Variants in MFAP5 observed in about 807,000 individuals in gnomAD.
MFAP5 encodes the protein microfibril associated protein 5, also known as microfibrillar-associated protein 5.
A neutral mutation model predicts 30.1 loss-of-function variants in MFAP5; 19 were observed. The observed-to-expected ratio is 0.63, with a 90% CI of 0.44 to 0.93. The LOEUF is 0.93. Ranked by LOEUF, MFAP5 falls within the 40% of genes least tolerant of loss-of-function variation. The probability of loss-of-function intolerance (pLI) is 0.00; values close to 1 mark genes in which losing one functional copy is unlikely to be tolerated. For missense variants in MFAP5, 210 were observed against 221.3 expected (o/e 0.95, Z 0.32); for synonymous variants, 92 against 72.9 (o/e 1.26, Z -1.33).
At position 8,654,438 on chromosome 12, in the gene MFAP5, C is replaced by G. The variant is rs1388476509; in HGVS notation, c.216G>C (p.Leu72Phe). The change falls in exon 6 of 10, where the codon TTG (leucine) becomes TTC (phenylalanine). Residue 72 changes from leucine (L) to phenylalanine (F), a missense_variant and splice_region_variant. Transcript: ENST00000359478. ...LADIAPSTDD[L>F]ASLSEKNTTA... ...TGGGGGTCCCAGATCTGAACTCACC[C>G]AAGTCATCTGTGGAAGGTGCAATAT... 6.2e-7 allele frequency: 1 copy of G among 1,600,418 alleles called. No individual in the cohort carries two copies. Among genetic ancestry groups the G allele is most frequent in the Non-Finnish European group, 8.5e-7 (1 of 1,173,476 alleles).
intron 3 of MFAP5, among the ~76,000 whole-genome samples, chr12:8,656,305 C>A (rs769258017): frequency 1.3e-5 from 2 of 151,964 alleles, no homozygotes; most frequent in East Asian, 3.9e-4. Flanking sequence ...CCCTCGGCCT[C>A]CCAAAGTGCT....
chr12:8,650,597 A>G lies in MFAP5; in HGVS notation c.248-8T>C. The G allele has an allele frequency of 1.2e-6, 2 of 1,610,198 alleles. No individual in the cohort carries two copies. The highest frequency in any genetic ancestry group is 1.7e-6 in the Non-Finnish European group (2 of 1,178,870). On this transcript the variant is annotated splice_region_variant and splice_polypyrimidine_tract_variant and intron_variant, in intron 7 of 9. Transcript: ENST00000359478. Reference sequence around the variant, plus strand: ...ATTTCTCATCCCAGCACTCTGAGGAAGCCCAATACAAAAAAATAAGGAGGT... The same window carrying G: ...ATTTCTCATCCCAGCACTCTGAGGAGGCCCAATACAAAAAAATAAGGAGGT...
chr12:8,655,236 A>G (rs751442809), intron 5 of MFAP5, among the ~76,000 whole-genome samples, 179 bp downstream of exon 5: 27 of 152,172 alleles, frequency 1.8e-4, no homozygotes, highest in Non-Finnish European at 3.1e-4. Context: ...CCATGAACCA[A>G]AATTGTGCCA....
In MFAP5 at chr12:8,661,253, C is replaced by T. The variant is rs758769363; in HGVS notation, c.59-355G>A. On this transcript the variant is annotated intron_variant, in intron 2 of 9. Coordinates refer to ENST00000359478, the MANE Select transcript of MFAP5 (RefSeq NM_003480.4). ...GCAGCCCTTCTAGCCCCACGGCTTC[C>T]CCGCTAGCTATGCTAGTGAACAAGA... is the stretch of plus-strand genomic sequence containing the variant. Among the ~76,000 whole-genome samples, 5 of 152,258 alleles carry T rather than the reference C, an allele frequency of 3.3e-5. No homozygotes were observed. The East Asian group carries it at 9.6e-4, about 29-fold the overall frequency.
chr12:8,660,956 C>T (rs1942134203), intron 2 of MFAP5, 58 bp from the exon 3 acceptor site: 1 of 1,406,754 alleles, frequency 7.1e-7, no homozygotes, highest in East Asian at 2.3e-5. Flanking sequence ...CCTCGTAACC[C>T]TTTTATGAGA....
chr12:8,656,340 G>A (rs1338103537), intron 3 of MFAP5, among the ~76,000 whole-genome samples: 3 of 151,040 alleles, frequency 2.0e-5, no homozygotes, highest in South Asian at 2.1e-4. Flanking sequence ...GAGCCACCGC[G>A]CCCAGCCCAT....
intron 6 of MFAP5, among the ~76,000 whole-genome samples, chr12:8,654,110 G>A (rs1941916145): frequency 7.5e-6 from 1 of 133,804 alleles, no homozygotes; most frequent in African/African-American, 2.9e-5. Context: ...TGGACGACAA[G>A]AGCAATAATC....
At chr12:8,653,364 A>G (rs923839601) in intron 6 of MFAP5, among the ~76,000 whole-genome samples, 2 of 152,108 alleles carry the variant, frequency 1.3e-5, no homozygotes, top group Non-Finnish European at 2.9e-5. Context: ...CCAGGCGATC[A>G]ATCACGGTCA....
chr12:8,655,436 C>G lies in MFAP5; in HGVS notation c.151G>C (p.Asp51His). 4 of 1,606,430 alleles carry G rather than the reference C, an allele frequency of 2.5e-6. No homozygotes were observed. Among genetic ancestry groups the G allele is most frequent in the Non-Finnish European group, 3.4e-6 (4 of 1,177,202 alleles). ...TFTEDPNLVNDPATDETVLAV... is the reference protein window; with the variant it reads ...TFTEDPNLVNHPATDETVLAV... ...TTACCTGTTTCATCTGTAGCGGGAT[C>G]ATTCACCAGATCTGCAAAGACACAT... Residue 51 changes from aspartate (D) to histidine (H), a missense_variant, in exon 5 of 10, where the codon GAT becomes CAT. Asp to His is a moderately conservative substitution (Grantham distance 81, BLOSUM62 -1). Coordinates refer to ENST00000359478, the MANE Select transcript of MFAP5 (RefSeq NM_003480.4).
intron 3 of MFAP5, among the ~76,000 whole-genome samples, chr12:8,657,001 G>A (rs765810809): frequency 3.3e-5 from 5 of 152,058 alleles, no homozygotes; most frequent in Non-Finnish European, 7.4e-5. Flanking sequence ...TGCTAAGAGA[G>A]TAAATTTCAG....
At chr12:8,651,786 C>A in intron 6 of MFAP5, 95 bp from the exon 7 acceptor site, 1 of 1,124,460 alleles carries the variant, frequency 8.9e-7, no homozygotes, top group Admixed American at 1.7e-5. Flanking sequence ...GCTTGGAGTG[C>A]CCATAAATAG....
intron 3 of MFAP5, among the ~76,000 whole-genome samples, chr12:8,658,355 A>T (rs1001286207): frequency 1.3e-5 from 2 of 152,192 alleles, no homozygotes; most frequent in Admixed American, 6.5e-5. Flanking sequence ...CAAAAAAAAA[A>T]TTCATCAGGC....
In MFAP5 at chr12:8,660,876, A is replaced by G. The variant is rs1555140533; in HGVS notation, c.81T>C (p.Asn27=). The change falls in exon 3 of 10, where the codon AAT becomes AAC. Residue 27 remains asparagine (N), a synonymous_variant. Transcript: ENST00000359478. ...ITSDWIPLGV[N]SQRGDDVTQA... is the part of the protein sequence containing the mutation. ...GGGTTCACCTACCTCCTCGTTGACT[A>G]TTGACCCCCAGGGGTATCCAGTCTA... 5.0e-6 allele frequency: 8 copies of G among 1,612,702 alleles called. No homozygotes were observed. The Admixed American group carries it at 1.0e-4, about 20-fold the overall frequency.
At chr12:8,653,838 T>C (rs983415036) in intron 6 of MFAP5, among the ~76,000 whole-genome samples, 2 of 152,202 alleles carry the variant, frequency 1.3e-5, no homozygotes, top group African/African-American at 4.8e-5. Flanking sequence ...TTTTCAATAA[T>C]GATTTGTTAA....
At position 8,658,526 on chromosome 12, in the gene MFAP5, C is replaced by T. The variant is rs184940894; in HGVS notation, c.94+2337G>A. ...ACAGGATATTTGAAAAACCACTAAC[C>T]TGAATCATTCCAGAGACTGCAGGAG... On this transcript the variant is annotated intron_variant, in intron 3 of 9. Transcript: ENST00000359478. The T allele has an allele frequency of 2.6e-5, 4 of 152,238 alleles. No individual in the cohort carries two copies. The East Asian group carries it at 5.8e-4, about 22-fold the overall frequency. 9.4% of individuals were successfully genotyped at this position (152,238 alleles called of 1,614,324 possible).
rs36061194 is a variant in MFAP5 at position 8,660,191 on chromosome 12, ATT to A, written c.94+670_94+671del. Among the ~76,000 whole-genome samples, 544 of 138,648 alleles carry A rather than the reference ATT, an allele frequency of 3.9e-3. 4 individuals are homozygous for A. Among genetic ancestry groups the A allele is most frequent in the African/African-American group, 1.0e-2 (376 of 37,686 alleles). 91.0% of individuals were successfully genotyped at this position (138,648 alleles called of 152,430 possible). Reference sequence around the variant, plus strand: ...GATTGACATGACTTCTTTTTTTCTAATTTTTTTTTTTTTTTTTTAGTCAGTTC... The same window carrying A: ...GATTGACATGACTTCTTTTTTTCTAATTTTTTTTTTTTTTTTAGTCAGTTC... On this transcript the variant is annotated intron_variant, in intron 3 of 9. Transcript: ENST00000359478.
At chr12:8,650,344 A>G in intron 8 of MFAP5, 158 bp downstream of exon 8, 1 of 653,046 alleles carries the variant, frequency 1.5e-6, no homozygotes, top group Non-Finnish European at 2.8e-6. Context: ...CCCATACTCC[A>G]GGTTCTAGTT....
At chr12:8,654,986 A>G (rs1941942994) in intron 5 of MFAP5, among the ~76,000 whole-genome samples, 1 of 150,738 alleles carries the variant, frequency 6.6e-6, no homozygotes, top group South Asian at 2.1e-4. Flanking sequence ...CAACACTCTC[A>G]CAACCTCAGT....
chr12:8,655,749 A>G, intron 4 of MFAP5, 37 bp downstream of exon 4: 1 of 1,596,788 alleles, frequency 6.3e-7, no homozygotes, highest in Non-Finnish European at 8.5e-7. Flanking sequence ...TCCCCAATAA[A>G]ACAGCAAACA....
Sources: allele counts gnomAD v4.1 joint callset (sites outside exome capture counted in the v4.1 genomes callset), GRCh38; gene constraint gnomAD v4.1.1; transcripts MANE v1.5; gene names NCBI Gene and HGNC (gene_info 2026-07-23, HGNC 2026-07-21).